The following IRAG2 variants were observed in gnomAD, a reference collection of about 807,000 sequenced individuals.
The protein encoded by IRAG2 is lymphoid restricted membrane protein.
IRAG2 carries 45 observed loss-of-function variants against 69.9 expected under a neutral mutation model. That is an observed-to-expected ratio of 0.64 (90% CI 0.51 to 0.83). The LOEUF (loss-of-function observed/expected upper bound fraction) is 0.83, where lower values mean the gene tolerates loss of function less well. Among genes scored for constraint, IRAG2 ranks in the 40% least tolerant of loss-of-function variants. The probability of loss-of-function intolerance (pLI) is 0.00; values close to 1 mark genes in which losing one functional copy is unlikely to be tolerated. For missense variants in IRAG2, 520 were observed against 587.0 expected (o/e 0.89, Z 1.18); for synonymous variants, 193 against 202.4 (o/e 0.95, Z 0.40).
Position 25,090,107 on chromosome 12 carries a change from G to A in IRAG2, c.516G>A (p.Leu172=). 3 of 1,613,952 alleles carry A rather than the reference G, an allele frequency of 1.9e-6. No homozygotes were observed. The highest frequency in any genetic ancestry group is 2.5e-6 in the Non-Finnish European group (3 of 1,179,836). Residue 172 remains leucine (L), a synonymous_variant, in exon 14 of 22, where the codon TTG becomes TTA. Transcript: ENST00000556887. ...GATTTAAGTGTGACTGGTTTACCTT[G>A]GAGAAGAGAGTGAAGCTTGAAGAGA... is the stretch of plus-strand genomic sequence containing the variant. ...SLGFKCDWFT[L]EKRVKLEERS...
upstream of IRAG2, among the ~76,000 whole-genome samples, chr12:25,051,395 C>T (rs570009065): frequency 4.7e-4 from 72 of 152,310 alleles, no homozygotes; most frequent in Middle Eastern, 6.8e-3. Flanking sequence ...TGCACAAGGC[C>T]TACGGCTGAC....
intron 6 of IRAG2, among the ~76,000 whole-genome samples, chr12:25,077,231 T>TATATATATGATATATATG (rs1565562427): frequency 2.2e-5 from 1 of 45,514 alleles, no homozygotes; most frequent in Non-Finnish European, 4.8e-5. Context: ...ATATATATGA[T>TATATATATGATATATATG]ATATATATGA....
intron 5 of IRAG2, among the ~76,000 whole-genome samples, chr12:25,068,723 A>G (rs1271823625): frequency 6.6e-6 from 1 of 152,214 alleles, no homozygotes; most frequent in Non-Finnish European, 1.5e-5. Context: ...CACTCGGGAA[A>G]TTACAAGGTC....
At chr12:24,999,777 G>A (rs115859155), upstream of IRAG2, among the ~76,000 whole-genome samples, 673 of 150,058 alleles carry the variant, frequency 4.5e-3, 4 homozygotes, top group African/African-American at 0.016. Flanking sequence ...TCCTGACTAT[G>A]TAATTATTTA....
At chr12:24,998,970 C>G in the IRAG2 span, among the ~76,000 whole-genome samples, 1 of 152,120 alleles carries the variant, frequency 6.6e-6, no homozygotes, top group African/African-American at 2.4e-5. Flanking sequence ...TTTGAATCAC[C>G]CTGAAATCTG....
Position 25,095,760 on chromosome 12 carries a change from A to G in IRAG2, c.607-1150A>G, listed in dbSNP as rs553291978. ...AATTCCCCAGTGAAGCCATTCAGTC[A>G]TGGATTTTTCTTTATTGGGTGATTT... On this transcript the variant is annotated intron_variant, in intron 14 of 21. Transcript: ENST00000556887. Among the ~76,000 whole-genome samples the G allele has an allele frequency of 2.6e-5, 4 of 152,310 alleles. No individual in the cohort carries two copies. The East Asian group carries it at 7.7e-4, about 29-fold the overall frequency.
chr12:25,091,006 AACT>A (rs1306970280), intron 14 of IRAG2: 3 of 255,756 alleles, frequency 1.2e-5, no homozygotes, highest in Admixed American at 1.0e-4. Context: ...GGAGTGTAAC[AACT>A]ACTATTATCC....
chr12:25,033,502 C>T (rs1269759432), intron 12 of IRAG2, among the ~76,000 whole-genome samples: 1 of 152,214 alleles, frequency 6.6e-6, no homozygotes, highest in African/African-American at 2.4e-5. Flanking sequence ...TTAGCTCCAA[C>T]TAATTGTGAC....
chr12:25,038,076 A>G, exon 16 of IRAG2: 1 of 398,922 alleles, frequency 2.5e-6, no homozygotes, highest in East Asian at 3.6e-5. Flanking sequence ...TGCCAAATTA[A>G]TAGAGATTTT....
At chr12:25,023,760 G>T in intron 7 of IRAG2, 1 of 486,524 alleles carries the variant, frequency 2.1e-6, no homozygotes, top group East Asian at 3.5e-5. Context: ...ATTTGTGATA[G>T]GTGAATGCTA....
intron 14 of IRAG2, chr12:25,036,568 T>A (rs1944703890): frequency 2.5e-6 from 1 of 398,730 alleles, no homozygotes; most frequent in Admixed American, 4.4e-5. Context: ...GTTGAAGATG[T>A]GGAACTCTTT....
intron 6 of IRAG2, among the ~76,000 whole-genome samples, chr12:25,078,736 T>C (rs1946989364): frequency 6.6e-6 from 1 of 152,236 alleles, no homozygotes; most frequent in Non-Finnish European, 1.5e-5. Context: ...TTTTTGAGAA[T>C]CAAGTAATAG....
At position 25,052,910 on chromosome 12, in the gene IRAG2, A is replaced by C. The variant is rs1944932787; in HGVS notation, c.-493A>C. 1 of 398,616 alleles carries C rather than the reference A, an allele frequency of 2.5e-6. No homozygotes were observed. Among genetic ancestry groups the C allele is most frequent in the African/African-American group, 2.1e-5 (1 of 48,746 alleles). 24.7% of individuals were successfully genotyped at this position (398,616 alleles called of 1,614,324 possible). A position where few individuals can be genotyped will look rare whatever the true frequency, so the allele number is the denominator to read the frequency against. On this transcript the variant is annotated 5_prime_UTR_variant, in exon 1 of 22. Transcript: ENST00000556887. ...ACCTTCAAACTATAAATACTGAATTATCGAACACTTGCCAGGCACTTCAGC... is the reference window on the plus strand; with the variant it reads ...ACCTTCAAACTATAAATACTGAATTCTCGAACACTTGCCAGGCACTTCAGC...
chr12:25,101,083 T>G, intron 15 of IRAG2, 95 bp from the exon 16 acceptor site: 1 of 1,066,950 alleles, frequency 9.4e-7, no homozygotes, highest in Non-Finnish European at 1.3e-6. Context: ...TTTAGTGGGA[T>G]TTAGGAATGG....
chr12:25,090,175 C>G lies in IRAG2; in HGVS notation c.584C>G (p.Thr195Ser). 6.2e-7 allele frequency: 1 copy of G among 1,613,824 alleles called. No homozygotes were observed. ...LAEENLKKEI[T>S]NCLKLLESLT... ...GAAGAAAATTTGAAGAAAGAAATCA[C>G]TAACTGTTTAAAACTATTAGAGGTG... is the stretch of plus-strand genomic sequence containing the variant. The change falls in exon 14 of 22, where the codon ACT becomes AGT. Residue 195 changes from threonine (T) to serine (S), a missense_variant. Coordinates refer to ENST00000556887, the MANE Select transcript of IRAG2 (RefSeq NM_001366544.2).
chr12:25,004,895 A>C, exon 1 of IRAG2: 1 of 1,231,600 alleles, frequency 8.1e-7, no homozygotes, highest in East Asian at 3.2e-5. Flanking sequence ...GTGGTAAAAA[A>C]ATTATCTCTG....
At chr12:25,054,432 A>C (rs530622942) in intron 1 of IRAG2, among the ~76,000 whole-genome samples, 1 of 152,246 alleles carries the variant, frequency 6.6e-6, no homozygotes, top group South Asian at 2.1e-4. Flanking sequence ...ACTACTAAGA[A>C]TTTGTTCCCC....
At chr12:25,004,281 A>T, upstream of IRAG2, 1 of 1,096,222 alleles carries the variant, frequency 9.1e-7, no homozygotes, top group Non-Finnish European at 1.2e-6. Flanking sequence ...ACTTTTAAAC[A>T]TGTATCTACT....
At chr12:25,052,357 G>GGC (rs1944900924), upstream of IRAG2, 2 of 398,632 alleles carry the variant, frequency 5.0e-6, no homozygotes, top group African/African-American at 4.1e-5. Context: ...CAGGTAGGGT[G>GGC]GCTCATGGCT....
Sources: allele counts gnomAD v4.1 joint callset (sites outside exome capture counted in the v4.1 genomes callset), GRCh38; gene constraint gnomAD v4.1.1; transcripts MANE v1.5; gene names NCBI Gene and HGNC (gene_info 2026-07-23, HGNC 2026-07-21).